KCNB2: variants seen among roughly 807,000 people sequenced by gnomAD.
KCNB2 encodes delayed rectifier potassium channel protein.
KCNB2 carries 15 observed loss-of-function variants against 61.5 expected under a neutral mutation model. That is an observed-to-expected ratio of 0.24 (90% CI 0.16 to 0.38). The LOEUF (loss-of-function observed/expected upper bound fraction) is 0.38. Ranked by LOEUF, KCNB2 falls within the 10% of genes least tolerant of loss-of-function variation. The pLI is 1.00. For missense variants in KCNB2, 828 were observed against 1,125.2 expected (o/e 0.74, Z 3.78); for synonymous variants, 457 against 446.0 (o/e 1.02, Z -0.31).
At chr8:72,747,410 C>A (rs1217179547) in intron 2 of KCNB2, among the ~76,000 whole-genome samples, 1 of 152,116 alleles carries the variant, frequency 6.6e-6, no homozygotes. Context: ...TGGGCTCTGA[C>A]TGGTTGGTTT....
intron 2 of KCNB2, among the ~76,000 whole-genome samples, chr8:72,653,633 T>A (rs1218466783): frequency 6.6e-6 from 1 of 152,128 alleles, no homozygotes; most frequent in African/African-American, 2.4e-5. Flanking sequence ...GACCTGCCGC[T>A]TGTTTCTATG....
At chr8:72,545,163 T>C (rs538667216) in intron 1 of KCNB2, among the ~76,000 whole-genome samples, 88 of 152,324 alleles carry the variant, frequency 5.8e-4, no homozygotes, top group Non-Finnish European at 1.2e-3. Flanking sequence ...CCAGGTTCTA[T>C]GGCTGATGCT....
At chr8:72,580,585 A>T (rs1806875597) in intron 2 of KCNB2, among the ~76,000 whole-genome samples, 1 of 152,212 alleles carries the variant, frequency 6.6e-6, no homozygotes, top group Non-Finnish European at 1.5e-5. Flanking sequence ...TCACATTTTG[A>T]ACTCTGTTAG....
chr8:72,575,691 CA>C (rs1227604060), intron 2 of KCNB2, among the ~76,000 whole-genome samples: 5 of 151,992 alleles, frequency 3.3e-5, no homozygotes, highest in South Asian at 2.1e-4. Context: ...GTTTGTTCCA[CA>C]AAAGAGGCAG....
intron 2 of KCNB2, among the ~76,000 whole-genome samples, chr8:72,819,970 C>T (rs769194240): frequency 1.6e-4 from 24 of 152,116 alleles, no homozygotes; most frequent in Non-Finnish European, 7.3e-5. Context: ...TGGTTTTTTC[C>T]TGGCTCCCAA....
intron 2 of KCNB2, among the ~76,000 whole-genome samples, chr8:72,729,515 A>T (rs1807705963): frequency 6.6e-6 from 1 of 152,178 alleles, no homozygotes; most frequent in African/African-American, 2.4e-5. Flanking sequence ...CCTCTTAGCA[A>T]ATGTTTGAGG....
intron 2 of KCNB2, among the ~76,000 whole-genome samples, chr8:72,714,973 A>C (rs916788115): frequency 6.6e-6 from 1 of 152,198 alleles, no homozygotes; most frequent in African/African-American, 2.4e-5. Context: ...AAGATCTACC[A>C]AGCAAATGGA....
intron 2 of KCNB2, among the ~76,000 whole-genome samples, chr8:72,737,531 G>C (rs1222320436): frequency 1.3e-5 from 2 of 152,122 alleles, no homozygotes; most frequent in African/African-American, 2.4e-5. Context: ...ATGTTTTCTA[G>C]TACATAGCCA....
At chr8:72,784,175 T>G (rs1336683130) in intron 2 of KCNB2, among the ~76,000 whole-genome samples, 1 of 152,114 alleles carries the variant, frequency 6.6e-6, no homozygotes, top group Non-Finnish European at 1.5e-5. Flanking sequence ...CCATCACCAC[T>G]CATGCTATGT....
intron 1 of KCNB2, among the ~76,000 whole-genome samples, chr8:72,564,497 T>C (rs145976154): frequency 5.2e-4 from 79 of 152,288 alleles, no homozygotes; most frequent in African/African-American, 8.4e-4. Context: ...AATTCAATGA[T>C]TGATTGTTGA....
chr8:72,811,318 A>T (rs1165892931), intron 2 of KCNB2, among the ~76,000 whole-genome samples: 1 of 151,952 alleles, frequency 6.6e-6, no homozygotes. Context: ...TATCTCCAAA[A>T]ATTTAACATA....
Position 72,602,343 on chromosome 8 carries a change from T to C in KCNB2, c.579+34030T>C, listed in dbSNP as rs182041265. 2.0e-5 allele frequency among the ~76,000 whole-genome samples: 3 copies of C among 152,290 alleles called. No homozygotes were observed. The East Asian group carries it at 5.8e-4, about 29-fold the overall frequency. ...TTTCAGGGTTGCATGATAAAATCAG[T>C]AAGTAGAATTTTGCTGCAGATGCTA... On this transcript the variant is annotated intron_variant, in intron 2 of 2. Transcript: ENST00000523207.
At chr8:72,848,534 A>G (rs1284504966) in intron 2 of KCNB2, among the ~76,000 whole-genome samples, 1 of 152,320 alleles carries the variant, frequency 6.6e-6, no homozygotes, top group East Asian at 1.9e-4. Flanking sequence ...ATTGCTGTAA[A>G]GGAAACTCTA....
intron 2 of KCNB2, among the ~76,000 whole-genome samples, chr8:72,704,500 G>GGTGTGTGT (rs10524175): frequency 0.01 from 1,548 of 147,622 alleles, 13 homozygotes; most frequent in East Asian, 0.04. Context: ...AGAGAAAGCT[G>GGTGTGTGT]GTGTGTGTGT....
intron 2 of KCNB2, among the ~76,000 whole-genome samples, chr8:72,580,865 C>T (rs1806880925): frequency 6.6e-6 from 1 of 152,188 alleles, no homozygotes; most frequent in Non-Finnish European, 1.5e-5. Flanking sequence ...AATCCATTCT[C>T]CATTTAGCCA....
At chr8:72,641,093 C>G (rs10504540) in intron 2 of KCNB2, among the ~76,000 whole-genome samples, 23,696 of 152,002 alleles carry the variant, frequency 0.16, 2,368 homozygotes, top group Middle Eastern at 0.25. Flanking sequence ...CCGTTGCCAC[C>G]TTGTATAATT....
At chr8:72,911,380 C>T (rs761962840) in intron 2 of KCNB2, among the ~76,000 whole-genome samples, 6 of 152,200 alleles carry the variant, frequency 3.9e-5, no homozygotes, top group Non-Finnish European at 7.4e-5. Flanking sequence ...TTTATTTGTC[C>T]GAACACACAT....
intron 2 of KCNB2, among the ~76,000 whole-genome samples, chr8:72,730,884 T>C (rs192190664): frequency 9.9e-5 from 15 of 152,214 alleles, no homozygotes; most frequent in African/African-American, 3.4e-4. Context: ...CCTTAGACTA[T>C]TAAAAAAAAA....
chr8:72,591,187 T>C (rs1447332438), intron 2 of KCNB2, among the ~76,000 whole-genome samples: 1 of 152,140 alleles, frequency 6.6e-6, no homozygotes, highest in Admixed American at 6.5e-5. Context: ...GCTAAGACAC[T>C]TTATATTCAG....
Sources: gnomAD v4.1 joint callset for allele counts (sites outside exome capture counted in the v4.1 genomes callset) on GRCh38, gnomAD v4.1.1 for gene constraint, MANE v1.5 for transcripts, NCBI Gene and HGNC (gene_info 2026-07-23, HGNC 2026-07-21) for gene names.